Variants in CBL observed in about 807,000 individuals in gnomAD.
CBL encodes the protein E3 ubiquitin-protein ligase CBL.
CBL carries 45 observed loss-of-function variants against 96.9 expected under a neutral mutation model. The observed-to-expected ratio is 0.46, with a 90% CI of 0.37 to 0.60. The LOEUF (loss-of-function observed/expected upper bound fraction) is 0.60, where lower values mean the gene tolerates loss of function less well. Among genes scored for constraint, CBL ranks in the 20% least tolerant of loss-of-function variants. The probability of loss-of-function intolerance (pLI) is 0.00; values close to 1 mark genes in which losing one functional copy is unlikely to be tolerated. For missense variants in CBL, 1,024 were observed against 1,143.5 expected, an observed-to-expected ratio of 0.90 and a Z score of 1.51; for synonymous variants, 420 against 426.8, an observed-to-expected ratio of 0.98 and a Z score of 0.20.
At chr11:119,296,883 A>T in intron 12 of CBL, 35 bp from the exon 13 acceptor site, 1 of 1,053,518 alleles carries the variant, frequency 9.5e-7, no homozygotes, top group Non-Finnish European at 1.5e-6. Context: ...CTGGTTTGTT[A>T]CTTCTTTTTC....
At chr11:119,266,603 A>G (rs1299297989) in intron 2 of CBL, among the ~76,000 whole-genome samples, 1 of 152,134 alleles carries the variant, frequency 6.6e-6, no homozygotes, top group Non-Finnish European at 1.5e-5. Flanking sequence ...AGGTAGAGAG[A>G]AAAGAAATGA....
At position 119,284,973 on chromosome 11, in the gene CBL, A is replaced by T. The variant is rs1005648171; in HGVS notation, c.1436A>T (p.Glu479Val). Reference sequence around the variant, plus strand: ...TAAATTTTTTATGTACCCTAGGTGGAACGGCCGCCTTCTCCATTCTCCATG... The same window carrying T: ...TAAATTTTTTATGTACCCTAGGTGGTACGGCCGCCTTCTCCATTCTCCATG... Reference protein sequence around the residue: ...MMKELAGAKVERPPSPFSMAP... With the variant: ...MMKELAGAKVVRPPSPFSMAP... Residue 479 changes from glutamate (E) to valine (V), a missense_variant, in exon 10 of 16, where the codon GAA (glutamate) becomes GTA (valine). Glu to Val is a moderately radical substitution (Grantham distance 121). Around this residue, in one of 4 missense-constraint regions of CBL, gnomAD observed 695 missense variants for 661.6 expected, o/e 1.05. Coordinates refer to ENST00000264033, the MANE Select transcript of CBL (RefSeq NM_005188.4). The T allele has an allele frequency of 2.5e-6, 4 of 1,614,034 alleles. No homozygotes were observed. Among genetic ancestry groups the T allele is most frequent in the Non-Finnish European group, 2.5e-6 (3 of 1,180,044 alleles).
At position 119,301,416 on chromosome 11, in the gene CBL, G is replaced by C. The variant is rs2135323588; in HGVS notation, c.*1635G>C. On this transcript the variant is annotated 3_prime_UTR_variant, in exon 16 of 16. Coordinates refer to ENST00000264033, the MANE Select transcript of CBL (RefSeq NM_005188.4). ...AGCTCACTTTCTTAGCAGTGTGTAA[G>C]CTTTCTCCATGTCAGAAGCAAGCCT... The C allele has an allele frequency of 4.3e-6, 1 of 233,122 alleles. No homozygotes were observed. 14.4% of individuals were successfully genotyped at this position (233,122 alleles called of 1,614,324 possible). A position where few individuals can be genotyped will look rare whatever the true frequency, so the allele number is the denominator to read the frequency against.
chr11:119,228,954 G>C (rs1592375915), intron 1 of CBL, among the ~76,000 whole-genome samples: 1 of 152,176 alleles, frequency 6.6e-6, no homozygotes, highest in African/African-American at 2.4e-5. Flanking sequence ...GGGATTACAG[G>C]TGCCTGCCAC....
intron 2 of CBL, among the ~76,000 whole-genome samples, chr11:119,256,104 C>T (rs1436545627): frequency 6.6e-6 from 1 of 151,014 alleles, no homozygotes; most frequent in Non-Finnish European, 1.5e-5. Flanking sequence ...AATTAATGAA[C>T]GTTATTGAAA....
chr11:119,265,243 T>C (rs1207923021), intron 2 of CBL, among the ~76,000 whole-genome samples: 1 of 152,218 alleles, frequency 6.6e-6, no homozygotes. Flanking sequence ...ATATAAACTT[T>C]TTTGAGTCTT....
In CBL at chr11:119,232,705, A is replaced by G. The variant is rs1312551257; in HGVS notation, c.443+10A>G. The stretch of plus-strand genomic sequence containing the variant: ...AGAATTCTCAGCCTAGGTAATGGAG[A>G]AATACTACACAAATAATTATGCAGG... On this transcript the variant is annotated intron_variant, in intron 2 of 15. Transcript: ENST00000264033. 2 of 1,611,870 alleles carry G rather than the reference A, an allele frequency of 1.2e-6. No homozygotes were observed. Among genetic ancestry groups the G allele is most frequent in the Non-Finnish European group, 1.7e-6 (2 of 1,179,410 alleles).
chr11:119,292,639 G>C (rs150308587), intron 12 of CBL, among the ~76,000 whole-genome samples: 5,140 of 152,084 alleles, frequency 0.034, 308 homozygotes, highest in African/African-American at 0.12. Context: ...AGCCAGGGTG[G>C]TCTCAATCTC....
chr11:119,222,454 A>G (rs553438041), intron 1 of CBL, among the ~76,000 whole-genome samples: 1 of 152,328 alleles, frequency 6.6e-6, no homozygotes, highest in South Asian at 2.1e-4. Flanking sequence ...AATGGAGTGC[A>G]TGGCAGCTGT....
At position 119,300,048 on chromosome 11, in the gene CBL, A is replaced by T; in HGVS notation, c.*267A>T. 1.7e-6 allele frequency: 1 copy of T among 579,454 alleles called. No individual in the cohort carries two copies. Among genetic ancestry groups the T allele is most frequent in the South Asian group, 2.0e-5 (1 of 49,360 alleles). The allele number at this position is 579,454 out of a possible 1,614,324, so 35.9% of individuals were successfully genotyped here. A position where few individuals can be genotyped will look rare whatever the true frequency, so the allele number is the denominator to read the frequency against. On this transcript the variant is annotated 3_prime_UTR_variant, in exon 16 of 16. Transcript: ENST00000264033. ...GAGAGTGTGGATTATATTACATGAT[A>T]ACCTACCTGGGGAACAGTCCAGAAA...
At chr11:119,264,388 TTTCTCTTCTCTTCTCTTCTCTTCTC>T (rs367863373) in intron 2 of CBL, among the ~76,000 whole-genome samples, 69 of 133,850 alleles carry the variant, frequency 5.2e-4, no homozygotes, top group South Asian at 3.0e-3. Context: ...TTTCTTTTCT[TTTCTCTTCTCTTCTCTTCTCTTCTC>T]TTCTCTTCTC....
In CBL at chr11:119,244,947, A is replaced by G. The variant is rs150095168; in HGVS notation, c.443+12252A>G. Among the ~76,000 whole-genome samples the G allele has an allele frequency of 1.1e-3, 165 of 151,934 alleles. 1 individual carries two copies. Among genetic ancestry groups the G allele is most frequent in the African/African-American group, 3.5e-3 (145 of 41,428 alleles). ...ACTGCTGCCTCTTCCAGGATCATCA[A>G]TTTACCTGCTTCAGCCTCCCAAGTA... On this transcript the variant is annotated intron_variant, in intron 2 of 15. Coordinates refer to ENST00000264033, the MANE Select transcript of CBL (RefSeq NM_005188.4).
At chr11:119,233,960 A>C (rs974802229) in intron 2 of CBL, among the ~76,000 whole-genome samples, 1 of 152,166 alleles carries the variant, frequency 6.6e-6, no homozygotes, top group African/African-American at 2.4e-5. Context: ...GTGTAGTCTG[A>C]GTAATGGACT....
intron 2 of CBL, among the ~76,000 whole-genome samples, chr11:119,262,179 AAGAC>A (rs1361114387): frequency 5.3e-5 from 8 of 152,350 alleles, no homozygotes; most frequent in Admixed American, 2.0e-4. Context: ...AAATATCAGA[AAGAC>A]AGACAGACAC....
chr11:119,277,269 A>G (rs1474208426), intron 6 of CBL, among the ~76,000 whole-genome samples: 2 of 151,902 alleles, frequency 1.3e-5, no homozygotes, highest in African/African-American at 4.8e-5. Context: ...ACACACACAC[A>G]CATAAAGAAT....
chr11:119,212,233 A>G lies in CBL; in HGVS notation c.195+5621A>G, dbSNP rs555005855. On this transcript the variant is annotated intron_variant, in intron 1 of 15. Transcript: ENST00000264033. Reference sequence around the variant, plus strand: ...TTTAATTAGCTTATATAATTGAAACATTAAGGTATTGGTGATTTTTAAATG... The same window carrying G: ...TTTAATTAGCTTATATAATTGAAACGTTAAGGTATTGGTGATTTTTAAATG... Among the ~76,000 whole-genome samples, 83 of 152,312 alleles carry G rather than the reference A, an allele frequency of 5.4e-4. 1 individual carries two copies. The East Asian group carries it at 0.013, about 23-fold the overall frequency.
intron 1 of CBL, among the ~76,000 whole-genome samples, chr11:119,226,156 T>C (rs550580030): frequency 6.6e-6 from 1 of 152,332 alleles, no homozygotes; most frequent in East Asian, 1.9e-4. Context: ...TCTCTATTTC[T>C]TGGTTACCAG....
chr11:119,294,157 G>A (rs1411516580), intron 12 of CBL, among the ~76,000 whole-genome samples: 1 of 152,158 alleles, frequency 6.6e-6, no homozygotes, highest in East Asian at 1.9e-4. Flanking sequence ...AGTTAGGCAC[G>A]GTGGCTCACG....
At chr11:119,220,849 G>A (rs775277682) in intron 1 of CBL, among the ~76,000 whole-genome samples, 1 of 152,042 alleles carries the variant, frequency 6.6e-6, no homozygotes, top group Admixed American at 6.6e-5. Flanking sequence ...ATAATTACAA[G>A]TAAGGCGTTT....
Sources: allele counts gnomAD v4.1 joint callset (sites outside exome capture counted in the v4.1 genomes callset), GRCh38; gene constraint gnomAD v4.1.1; regional missense constraint gnomAD v4.1.1; transcripts MANE v1.5; gene names NCBI Gene and HGNC (gene_info 2026-07-23, HGNC 2026-07-21).